Variants in EPHB4 observed in about 807,000 individuals in gnomAD.
EPHB4 encodes the protein EPH receptor B4.
Under a neutral mutation model 110.6 loss-of-function variants are expected in EPHB4, and 50 were observed. The observed-to-expected ratio is 0.45, with a 90% CI of 0.36 to 0.57. The LOEUF is 0.57. Among genes scored for constraint, EPHB4 ranks in the 20% least tolerant of loss-of-function variants. The pLI, the probability that EPHB4 is intolerant of heterozygous loss-of-function variation, is 0.00. For synonymous variants in EPHB4, 592 were observed against 578.4 expected (o/e 1.02, Z -0.34); for missense variants, 1,128 against 1,382.1 (o/e 0.82, Z 2.91).
At chr7:100,819,946 G>A (rs1813178802) in intron 5 of EPHB4, 57 bp from the exon 6 acceptor site, 2 of 1,493,214 alleles carry the variant, frequency 1.3e-6, no homozygotes, top group Admixed American at 2.2e-5. Flanking sequence ...GGTGGGGAGA[G>A]GGCAATGGAG....
intron 13 of EPHB4, 22 bp from the exon 14 acceptor site, chr7:100,806,591 T>G: frequency 6.2e-7 from 1 of 1,605,766 alleles, no homozygotes; most frequent in Non-Finnish European, 8.5e-7. Flanking sequence ...GGAGAAAAGG[T>G]GAGCTGGGGG....
chr7:100,812,807 G>A lies in EPHB4; in HGVS notation c.2058C>T (p.Ser686=), dbSNP rs1812968361. 6.2e-7 allele frequency: 1 copy of A among 1,614,080 alleles called. No individual in the cohort carries two copies. Among genetic ancestry groups the A allele is most frequent in the African/African-American group, 1.3e-5 (1 of 74,956 alleles). Residue 686 remains serine (S), a synonymous_variant, in exon 12 of 17, where the codon AGC becomes AGT. Transcript: ENST00000358173. ...ACTCTGTGAGAATCATGACGGGCAT[G>A]CTGTTGGTGACCACGCCCTCCAGGC... ...IIRLEGVVTN[S]MPVMILTEFM...
At chr7:100,820,117 T>G in intron 5 of EPHB4, 24 bp downstream of exon 5, 1 of 1,609,874 alleles carries the variant, frequency 6.2e-7, no homozygotes, top group Non-Finnish European at 8.5e-7. Context: ...CCCAGTGAAC[T>G]GCACCTGGGT....
intron 4 of EPHB4, among the ~76,000 whole-genome samples, chr7:100,821,577 G>A (rs766923590): frequency 4.0e-5 from 6 of 150,488 alleles, no homozygotes; most frequent in East Asian, 2.1e-4. Context: ...GCAGTGAGCC[G>A]AGATCGCACC....
Position 100,813,612 on chromosome 7 carries a change from G to A in EPHB4, c.1756+40C>T, listed in dbSNP as rs186651887. The A allele has an allele frequency of 5.6e-6, 9 of 1,609,172 alleles. No homozygotes were observed. In the Admixed American group the frequency reaches 6.7e-5, roughly 12 times the overall value. ...ATTATAGATAGGAGCCACCACACCC[G>A]GCCCCAAGCCCCTATTCCCATCAAA... is the stretch of plus-strand genomic sequence containing the variant. On this transcript the variant is annotated intron_variant, in intron 10 of 16. Transcript: ENST00000358173.
intron 1 of EPHB4, chr7:100,825,378 C>T (rs1347491660): frequency 6.6e-6 from 1 of 152,248 alleles, no homozygotes; most frequent in Non-Finnish European, 1.5e-5. Flanking sequence ...GCCGTCTCCA[C>T]CCTCCATTGT....
chr7:100,807,703 GC>G, intron 12 of EPHB4, 123 bp from the exon 13 acceptor site: 3 of 950,904 alleles, frequency 3.2e-6, no homozygotes, highest in Non-Finnish European at 4.6e-6. Context: ...GTGCAGTGGT[GC>G]CATCATAGCT....
chr7:100,805,051 G>T, intron 16 of EPHB4, 115 bp downstream of exon 16: 2 of 1,332,006 alleles, frequency 1.5e-6, no homozygotes, highest in Non-Finnish European at 2.0e-6. Context: ...TGAGCGCAGT[G>T]CAAGAAGACA....
Position 100,807,648 on chromosome 7 carries a change from C to T in EPHB4, c.2119-68G>A, listed in dbSNP as rs1203891767. The T allele has an allele frequency of 4.1e-6, 5 of 1,210,330 alleles. No individual in the cohort carries two copies. The South Asian group carries it at 6.6e-5, about 16-fold the overall frequency. The allele number at this position is 1,210,330 out of a possible 1,614,324, so 75.0% of individuals were successfully genotyped here. Reference sequence around the variant, plus strand: ...CCACCGTTCCCCCTCCCATCCACATCTTTTTTTTTTAGAGACAGGGTCTTG... The same window carrying T: ...CCACCGTTCCCCCTCCCATCCACATTTTTTTTTTTTAGAGACAGGGTCTTG... On this transcript the variant is annotated intron_variant, in intron 12 of 16. Coordinates refer to ENST00000358173, the MANE Select transcript of EPHB4 (RefSeq NM_004444.5).
In EPHB4 at chr7:100,812,634, A is replaced by G. The variant is rs1045439598; in HGVS notation, c.2118+113T>C. 11 of 1,404,946 alleles carry G rather than the reference A, an allele frequency of 7.8e-6. No individual in the cohort carries two copies. The Admixed American group carries it at 1.8e-4, about 23-fold the overall frequency. 87.0% of individuals were successfully genotyped at this position (1,404,946 alleles called of 1,614,324 possible). A position where few individuals can be genotyped will look rare whatever the true frequency, so the allele number is the denominator to read the frequency against. ...GACCAGGGCTTAGCCCAAGAGGAAA[A>G]GGCTGGAGGAGGTGACCTGGGACCC... is the stretch of plus-strand genomic sequence containing the variant. On this transcript the variant is annotated intron_variant, in intron 12 of 16. Coordinates refer to ENST00000358173, the MANE Select transcript of EPHB4 (RefSeq NM_004444.5).
Position 100,813,934 on chromosome 7 carries a change from G to A in EPHB4, c.1676C>T (p.Ala559Val). 6.2e-7 allele frequency: 1 copy of A among 1,614,162 alleles called. No individual in the cohort carries two copies. Among genetic ancestry groups the A allele is most frequent in the South Asian group, 1.1e-5 (1 of 91,082 alleles). Residue 559 changes from alanine to valine, a missense_variant, in exon 9 of 17, where the codon GCA becomes GTA. Transcript: ENST00000358173. ...GAGCCCTTACCTGAGGCAGAGAACT[G>A]CGACCACAATGACCACCAGGACCAG... ...VVLVLVVIVV[A>V]VLCLRKQSNG... is the part of the protein sequence containing the mutation.
chr7:100,822,805 C>G lies in EPHB4; in HGVS notation c.412-138G>C. 1 of 1,319,292 alleles carries G rather than the reference C, an allele frequency of 7.6e-7. No individual in the cohort carries two copies. Among genetic ancestry groups the G allele is most frequent in the Non-Finnish European group, 1.0e-6 (1 of 996,358 alleles). The allele number at this position is 1,319,292 out of a possible 1,614,324, so 81.7% of individuals were successfully genotyped here. A position where few individuals can be genotyped will look rare whatever the true frequency, so the allele number is the denominator to read the frequency against. ...TCTTCCCTCCACCTTCCCCAGGGCA[C>G]ACTTTCTGCAGGCCCCCACACTGTC... On this transcript the variant is annotated intron_variant, in intron 3 of 16. Transcript: ENST00000358173. This position sits in a 1 kb window ranked among gnomAD's most constrained non-coding sequence, Gnocchi z 4.7.
At chr7:100,819,525 G>C (rs1030347398) in intron 6 of EPHB4, 32 bp downstream of exon 6, 2 of 1,531,554 alleles carry the variant, frequency 1.3e-6, no homozygotes, top group African/African-American at 1.4e-5. Flanking sequence ...TCTCCCGCCA[G>C]ACCACCAGCC....
In EPHB4 at chr7:100,806,410, G is replaced by C; in HGVS notation, c.2484+10C>G. ...TCGAGGAAAGCTTGGTAGGACCACG[G>C]GACACTTACGTCCTGATTGCTCATG... On this transcript the variant is annotated intron_variant, in intron 14 of 16. Coordinates refer to ENST00000358173, the MANE Select transcript of EPHB4 (RefSeq NM_004444.5). 1.9e-6 allele frequency: 3 copies of C among 1,609,538 alleles called. No homozygotes were observed. Among genetic ancestry groups the C allele is most frequent in the Non-Finnish European group, 2.5e-6 (3 of 1,177,370 alleles).
chr7:100,807,190 T>A (rs1812835357), intron 13 of EPHB4, among the ~76,000 whole-genome samples, 175 bp downstream of exon 13: 1 of 152,116 alleles, frequency 6.6e-6, no homozygotes. Flanking sequence ...CCAACTGTTA[T>A]TTTCCTAGAC....
At chr7:100,813,296 T>A in intron 10 of EPHB4, 88 bp from the exon 11 acceptor site, 1 of 742,562 alleles carries the variant, frequency 1.3e-6, no homozygotes, top group Non-Finnish European at 2.1e-6. Context: ...CCCAAACCCC[T>A]GTCTCCGTGG....
In EPHB4 at chr7:100,823,944, G is replaced by C. The variant is rs1180931185; in HGVS notation, c.124-13C>G. 2 of 1,566,796 alleles carry C rather than the reference G, an allele frequency of 1.3e-6. No homozygotes were observed. The highest frequency in any genetic ancestry group is 1.7e-6 in the Non-Finnish European group (2 of 1,154,236). ...TCAGTTCCTCCCACTGTGCAGAGAA[G>C]GAGGTCAGCAAGGGGGCTGGGGAGC... On this transcript the variant is annotated splice_polypyrimidine_tract_variant and intron_variant, in intron 2 of 16. Transcript: ENST00000358173.
At chr7:100,820,468 A>AAC (rs948058193) in intron 4 of EPHB4, 172 bp from the exon 5 acceptor site, 15 of 539,366 alleles carry the variant, frequency 2.8e-5, no homozygotes, top group Non-Finnish European at 3.7e-5. Flanking sequence ...CCATCTCCAA[A>AAC]AAAAAAAAAA....
At position 100,822,213 on chromosome 7, in the gene EPHB4, GGAGTTCA is replaced by G; in HGVS notation, c.808+51_808+57del. 1 of 1,503,924 alleles carries G rather than the reference GGAGTTCA, an allele frequency of 6.6e-7. No homozygotes were observed. The highest frequency in any genetic ancestry group is 2.5e-5 in the East Asian group (1 of 40,416). The allele number at this position is 1,503,924 out of a possible 1,614,324, so 93.2% of individuals were successfully genotyped here. On this transcript the variant is annotated intron_variant, in intron 4 of 16. Transcript: ENST00000358173. This position sits in a 1 kb window ranked among gnomAD's most constrained non-coding sequence, Gnocchi z 4.7. ...GAAACTTAAGAAGTGGGTCCTGAGT[GGAGTTCA>G]GGACTCTCCCCCGGATGAGCAGCAG...
Sources: allele counts gnomAD v4.1 joint callset (sites outside exome capture counted in the v4.1 genomes callset), GRCh38; gene constraint gnomAD v4.1.1; non-coding constraint Gnocchi (gnomAD v3.1); transcripts MANE v1.5; gene names NCBI Gene and HGNC (gene_info 2026-07-23, HGNC 2026-07-21).